BTAF1: variants seen among roughly 807,000 people sequenced by gnomAD.
BTAF1 encodes the protein TATA-binding protein-associated factor 172.
BTAF1 carries 38 observed loss-of-function variants against 227.1 expected under a neutral mutation model. That is an observed-to-expected ratio of 0.17 (90% CI 0.13 to 0.22). The LOEUF is 0.22. BTAF1 is among the 10% of genes least tolerant of loss of function. The pLI is 1.00. For synonymous variants in BTAF1, 742 were observed against 751.9 expected, an observed-to-expected ratio of 0.99 and a Z score of 0.21; for missense variants, 1,598 against 2,204.0, an observed-to-expected ratio of 0.73 and a Z score of 5.51.
chr10:91,990,352 C>T (rs1394821862), intron 20 of BTAF1, among the ~76,000 whole-genome samples: 4 of 151,878 alleles, frequency 2.6e-5, no homozygotes, highest in African/African-American at 9.7e-5. Context: ...CCCCTCTTAC[C>T]CCCCTGGTCC....
At chr10:91,927,277 T>C (rs973051480) in intron 1 of BTAF1, among the ~76,000 whole-genome samples, 1 of 152,104 alleles carries the variant, frequency 6.6e-6, no homozygotes, top group Non-Finnish European at 1.5e-5. Context: ...TAGCTGGGAT[T>C]ACAGGCATGC....
intron 11 of BTAF1, 119 bp downstream of exon 11, chr10:91,960,273 A>G (rs1846408148): frequency 8.9e-7 from 1 of 1,117,428 alleles, no homozygotes; most frequent in Non-Finnish European, 1.2e-6. Flanking sequence ...CAGTCTTCCA[A>G]GATTTGCCGT....
intron 23 of BTAF1, among the ~76,000 whole-genome samples, chr10:91,995,312 AT>A (rs112027641): frequency 4.0e-4 from 59 of 147,622 alleles, no homozygotes; most frequent in East Asian, 5.9e-4. Context: ...AGAAGAATGG[AT>A]TTTTTTTTTT....
chr10:91,991,797 G>GTGTGTATATATATATA (rs1554860529), intron 20 of BTAF1, among the ~76,000 whole-genome samples: 1 of 10,008 alleles, frequency 1.0e-4, no homozygotes, highest in African/African-American at 1.8e-4. Flanking sequence ...GTGTGTGTGT[G>GTGTGTATATATATATA]TATATATATA....
intron 14 of BTAF1, among the ~76,000 whole-genome samples, chr10:91,976,701 G>T (rs1478116130): frequency 3.3e-5 from 5 of 152,068 alleles, no homozygotes; most frequent in African/African-American, 1.2e-4. Context: ...TCACAATTTT[G>T]GGAAATTTTG....
intron 34 of BTAF1, among the ~76,000 whole-genome samples, chr10:92,020,332 T>G (rs1851039816): frequency 1.3e-5 from 2 of 152,216 alleles, no homozygotes; most frequent in Non-Finnish European, 2.9e-5. Flanking sequence ...TAAAAATTAA[T>G]TTTTAAAAAT....
chr10:91,924,403 C>G (rs1201000080), intron 1 of BTAF1, among the ~76,000 whole-genome samples: 2 of 152,124 alleles, frequency 1.3e-5, no homozygotes, highest in African/African-American at 2.4e-5. Context: ...AGTCTCTTAT[C>G]TTTCTCAGTA....
intron 20 of BTAF1, among the ~76,000 whole-genome samples, chr10:91,991,215 C>T (rs1819689332): frequency 6.8e-6 from 1 of 146,150 alleles, no homozygotes; most frequent in African/African-American, 2.5e-5. Context: ...TGCTGCACTC[C>T]AGCCTGGGCG....
intron 25 of BTAF1, among the ~76,000 whole-genome samples, chr10:92,003,672 C>A (rs1268322517): frequency 2.6e-5 from 4 of 152,182 alleles, no homozygotes; most frequent in African/African-American, 9.7e-5. Flanking sequence ...TGGGTTGATT[C>A]CAAATCTCAG....
At chr10:92,021,220 G>T (rs1851098531) in intron 34 of BTAF1, among the ~76,000 whole-genome samples, 1 of 152,266 alleles carries the variant, frequency 6.6e-6, no homozygotes, top group Non-Finnish European at 1.5e-5. Context: ...ATCTAATATT[G>T]CCAAAGCTAG....
At chr10:91,975,188 T>C (rs1385711131) in intron 14 of BTAF1, among the ~76,000 whole-genome samples, 1 of 152,212 alleles carries the variant, frequency 6.6e-6, no homozygotes, top group African/African-American at 2.4e-5. Flanking sequence ...ACTTTGTGAG[T>C]CATTCCAAAA....
intron 13 of BTAF1, among the ~76,000 whole-genome samples, chr10:91,964,465 G>T (rs1846738992): frequency 1.3e-5 from 2 of 152,008 alleles, no homozygotes; most frequent in South Asian, 2.1e-4. Context: ...TGTTTACTTA[G>T]AAATATAATC....
chr10:91,929,726 A>AT (rs1226285955), intron 1 of BTAF1, among the ~76,000 whole-genome samples: 35 of 151,732 alleles, frequency 2.3e-4, no homozygotes, highest in East Asian at 1.2e-3. Context: ...ATTTTTAATA[A>AT]TTTTTTTTTA....
chr10:92,010,628 A>C (rs774763258), intron 28 of BTAF1, among the ~76,000 whole-genome samples: 6 of 152,204 alleles, frequency 3.9e-5, no homozygotes, highest in Non-Finnish European at 5.9e-5. Context: ...ATATATCAGT[A>C]CTGGAGATGA....
In BTAF1 at chr10:92,011,418, AATT is replaced by A; in HGVS notation, c.4311+7_4311+9del. On this transcript the variant is annotated splice_donor_5th_base_variant and intron_variant, in intron 30 of 37. Coordinates refer to ENST00000265990, the MANE Select transcript of BTAF1 (RefSeq NM_003972.3). ...TTCTTTCTGGAACACCAATCCAGGTAATTATTTATTATTATTTTTTTTAATTAT... is the reference window on the plus strand; with the variant it reads ...TTCTTTCTGGAACACCAATCCAGGTAATTTATTATTATTTTTTTTAATTAT... 7.9e-7 allele frequency: 1 copy of A among 1,268,544 alleles called. No homozygotes were observed. The highest frequency in any genetic ancestry group is 1.0e-6 in the Non-Finnish European group (1 of 965,988). The allele number at this position is 1,268,544 out of a possible 1,614,324, so 78.6% of individuals were successfully genotyped here. A position where few individuals can be genotyped will look rare whatever the true frequency, so the allele number is the denominator to read the frequency against.
chr10:91,997,439 G>A (rs1445401820), intron 24 of BTAF1, among the ~76,000 whole-genome samples, 164 bp from the exon 25 acceptor site: 1 of 152,194 alleles, frequency 6.6e-6, no homozygotes, highest in Non-Finnish European at 1.5e-5. Context: ...AAAATGGGCA[G>A]ATACTTTTAT....
intron 19 of BTAF1, 73 bp downstream of exon 19, chr10:91,984,477 T>TG: frequency 7.5e-7 from 1 of 1,324,790 alleles, no homozygotes; most frequent in South Asian, 1.4e-5. Flanking sequence ...CATGACATGT[T>TG]TATCACAAAA....
chr10:91,935,176 A>G (rs1844522841), intron 1 of BTAF1: 2 of 152,430 alleles, frequency 1.3e-5, no homozygotes, highest in East Asian at 1.9e-4. Flanking sequence ...ATATTTTCAT[A>G]CACATATACA....
Position 92,029,025 on chromosome 10 carries a change from C to T in BTAF1, c.*92C>T, listed in dbSNP as rs1169844960. On this transcript the variant is annotated 3_prime_UTR_variant, in exon 38 of 38. Transcript: ENST00000265990. ...CTAAGTTTATGGTGAACTTTTAACT[C>T]AATGTGTAAATAGATCTGGAGAATA... 26 of 1,194,908 alleles carry T rather than the reference C, an allele frequency of 2.2e-5. No individual in the cohort carries two copies. The highest frequency in any genetic ancestry group is 3.0e-5 in the Non-Finnish European group (26 of 859,922). 74.0% of individuals were successfully genotyped at this position (1,194,908 alleles called of 1,614,324 possible). A position where few individuals can be genotyped will look rare whatever the true frequency, so the allele number is the denominator to read the frequency against.
Sources: allele counts gnomAD v4.1 joint callset (sites outside exome capture counted in the v4.1 genomes callset), GRCh38; gene constraint gnomAD v4.1.1; transcripts MANE v1.5; gene names NCBI Gene and HGNC (gene_info 2026-07-23, HGNC 2026-07-21).